The following GATA4 variants were observed in gnomAD, a reference collection of about 807,000 sequenced individuals.
The protein encoded by GATA4 is transcription factor GATA-4.
GATA4 carries 7 observed loss-of-function variants against 37.9 expected under a neutral mutation model. That is an observed-to-expected ratio of 0.18 (90% CI 0.11 to 0.35). The LOEUF is 0.35. Among genes scored for constraint, GATA4 ranks in the 10% least tolerant of loss-of-function variants. GATA4 has a pLI of 1.00. For missense variants in GATA4, 647 were observed against 653.0 expected (o/e 0.99, Z 0.10); for synonymous variants, 372 against 292.6 (o/e 1.27, Z -2.77).
At chr8:11,743,532 C>T (rs575777668) in intron 2 of GATA4, among the ~76,000 whole-genome samples, 8 of 152,370 alleles carry the variant, frequency 5.3e-5, no homozygotes, top group Non-Finnish European at 1.2e-4. Flanking sequence ...GTCTCCCCAG[C>T]GGCCAGCAGT....
chr8:11,726,399 CATT>C (rs989113160), intron 2 of GATA4, among the ~76,000 whole-genome samples: 23 of 152,164 alleles, frequency 1.5e-4, no homozygotes, highest in Admixed American at 1.2e-3. Flanking sequence ...AAAGTTCTAA[CATT>C]ATGTTCTCAA....
intron 1 of GATA4, chr8:11,698,133 A>G (rs1290746805): frequency 2.3e-6 from 1 of 435,076 alleles, no homozygotes; most frequent in Non-Finnish European, 3.1e-6. Context: ...CTGCGTCGCC[A>G]AGTCTCTTGA....
intron 2 of GATA4, among the ~76,000 whole-genome samples, chr8:11,728,900 C>T: frequency 6.6e-6 from 1 of 152,188 alleles, no homozygotes; most frequent in East Asian, 1.9e-4. Flanking sequence ...TAAGCACAGA[C>T]TAATTGGGGT....
At chr8:11,702,858 T>C (rs1799731009), upstream of GATA4, among the ~76,000 whole-genome samples, 1 of 152,168 alleles carries the variant, frequency 6.6e-6, no homozygotes, top group East Asian at 1.9e-4. The surrounding 1 kb of genome is among the most constrained non-coding windows in gnomAD (Gnocchi z 4.4). Context: ...CCTCCGCACC[T>C]CTCATTCAGG....
chr8:11,734,647 C>A (rs564076620), intron 2 of GATA4, among the ~76,000 whole-genome samples: 1 of 152,104 alleles, frequency 6.6e-6, no homozygotes, highest in Admixed American at 6.5e-5. Context: ...CCACCATGCT[C>A]GGCTAATTTT....
chr8:11,720,200 G>C (rs1269038870), intron 2 of GATA4, among the ~76,000 whole-genome samples: 3 of 151,816 alleles, frequency 2.0e-5, no homozygotes, highest in Non-Finnish European at 4.4e-5. Context: ...GCAATGGTGA[G>C]AAGGACTGCT....
intron 2 of GATA4, among the ~76,000 whole-genome samples, chr8:11,742,848 G>A (rs1801820258): frequency 6.6e-6 from 1 of 152,266 alleles, no homozygotes; most frequent in Non-Finnish European, 1.5e-5. Flanking sequence ...GGTGAACTCT[G>A]GATGGGACAT....
chr8:11,740,156 T>C (rs967394619), intron 2 of GATA4, among the ~76,000 whole-genome samples: 2 of 152,174 alleles, frequency 1.3e-5, no homozygotes, highest in Non-Finnish European at 1.5e-5. Context: ...CAGTGCCCAA[T>C]GCGTTGTCCT....
intron 2 of GATA4, among the ~76,000 whole-genome samples, chr8:11,740,881 G>C (rs1397154730): frequency 6.6e-6 from 1 of 151,966 alleles, no homozygotes; most frequent in Admixed American, 6.6e-5. Context: ...TTACAGGCGT[G>C]CACCAACATG....
intron 1 of GATA4, among the ~76,000 whole-genome samples, chr8:11,696,183 T>C (rs1799502989): frequency 6.6e-6 from 1 of 152,054 alleles, no homozygotes; most frequent in South Asian, 2.1e-4. Context: ...GTTTTCAGAG[T>C]CTTGACATAC....
intron 1 of GATA4, chr8:11,694,681 A>G (rs904089287): frequency 4.5e-6 from 1 of 223,978 alleles, no homozygotes; most frequent in African/African-American, 2.3e-5. Flanking sequence ...GTGGTGTTGG[A>G]TTTTAAATTC....
intron 1 of GATA4, chr8:11,697,539 G>C (rs1799541614): frequency 1.0e-6 from 1 of 985,306 alleles, no homozygotes; most frequent in African/African-American, 1.7e-5. Context: ...TGGTCGTGGA[G>C]GCCACTTTCC....
chr8:11,733,731 A>C lies in GATA4; in HGVS notation c.617-15185A>C, dbSNP rs534839155. On this transcript the variant is annotated intron_variant, in intron 2 of 6. Coordinates refer to ENST00000532059, the MANE Select transcript of GATA4 (RefSeq NM_001308093.3). ...CAGAAACAGCTGCAGAGGAGTATCC[A>C]TGGTATGATCCCACGTGTGTTCAGC... is the stretch of plus-strand genomic sequence containing the variant. Among the ~76,000 whole-genome samples, 4 of 152,382 alleles carry C rather than the reference A, an allele frequency of 2.6e-5. No individual in the cohort carries two copies. In the East Asian group the frequency reaches 7.7e-4, roughly 29 times the overall value.
chr8:11,744,728 T>A (rs1360849883), intron 2 of GATA4, among the ~76,000 whole-genome samples: 2 of 152,228 alleles, frequency 1.3e-5, no homozygotes, highest in Non-Finnish European at 2.9e-5. Flanking sequence ...GTTGGAAATA[T>A]GGAAACTTCT....
chr8:11,680,966 C>G, intron 1 of GATA4: 1 of 982,872 alleles, frequency 1.0e-6, no homozygotes, highest in Non-Finnish European at 1.2e-6. Flanking sequence ...GGTTAGGCTG[C>G]TGGTATCTCA....
In GATA4 at chr8:11,708,771, C is replaced by T. The variant is rs1178980770; in HGVS notation, c.459C>T (p.Gly153=). 13 of 1,432,458 alleles carry T rather than the reference C, an allele frequency of 9.1e-6. No homozygotes were observed. The highest frequency in any genetic ancestry group is 5.7e-5 in the South Asian group (4 of 70,760). The allele number at this position is 1,432,458 out of a possible 1,614,324, so 88.7% of individuals were successfully genotyped here. Residue 153 remains glycine (G), a synonymous_variant, in exon 2 of 7, where the codon GGC becomes GGT. Transcript: ENST00000532059. This position sits in a 1 kb window ranked among gnomAD's most constrained non-coding sequence, Gnocchi z 6.7. ...LAGREQYGRA[G]FAGSYSSPYP... ...GCCGCGAGCAGTACGGGCGCGCCGGCTTCGCGGGCTCCTACTCCAGCCCCT... is the reference window on the plus strand; with the variant it reads ...GCCGCGAGCAGTACGGGCGCGCCGGTTTCGCGGGCTCCTACTCCAGCCCCT...
At chr8:11,735,251 A>G (rs535411943) in intron 2 of GATA4, among the ~76,000 whole-genome samples, 1 of 152,262 alleles carries the variant, frequency 6.6e-6, no homozygotes, top group Non-Finnish European at 1.5e-5. Context: ...CATTCATGTA[A>G]ATCTTTAAAA....
chr8:11,680,488 G>A (rs77891230), intron 1 of GATA4: 1 of 985,464 alleles, frequency 1.0e-6, no homozygotes, highest in Non-Finnish European at 1.2e-6. Context: ...GATGCATTTC[G>A]ATCAATCTGG....
chr8:11,757,887 T>A (rs1802683730), intron 6 of GATA4, among the ~76,000 whole-genome samples: 1 of 152,174 alleles, frequency 6.6e-6, no homozygotes, highest in Admixed American at 6.5e-5. Flanking sequence ...TTAGTGAGCT[T>A]CTTATTGTCT....
Sources: allele counts gnomAD v4.1 joint callset (sites outside exome capture counted in the v4.1 genomes callset), GRCh38; gene constraint gnomAD v4.1.1; non-coding constraint Gnocchi (gnomAD v3.1); transcripts MANE v1.5; gene names NCBI Gene and HGNC (gene_info 2026-07-23, HGNC 2026-07-21).